Variants in KATNIP observed in about 807,000 individuals in gnomAD.
The protein encoded by KATNIP is katanin interacting protein.
In KATNIP, 126 loss-of-function variants were observed where a neutral mutation model predicts 174.0. That is an observed-to-expected ratio of 0.72 (90% CI 0.63 to 0.84). The LOEUF (loss-of-function observed/expected upper bound fraction) is 0.84, where lower values mean the gene tolerates loss of function less well. Ranked by LOEUF, KATNIP falls within the 40% of genes least tolerant of loss-of-function variation. The pLI is 0.00. For missense variants in KATNIP, 1,958 were observed against 2,109.7 expected, an observed-to-expected ratio of 0.93 and a Z score of 1.41; for synonymous variants, 810 against 835.7, an observed-to-expected ratio of 0.97 and a Z score of 0.53.
At chr16:27,591,466 C>T (rs1460261373) in intron 2 of KATNIP, among the ~76,000 whole-genome samples, 1 of 152,174 alleles carries the variant, frequency 6.6e-6, no homozygotes, top group Admixed American at 6.5e-5. Context: ...CAGGTGTGAG[C>T]TACCACGCCT....
chr16:27,726,196 A>G (rs1438438926), intron 14 of KATNIP, among the ~76,000 whole-genome samples: 1 of 152,186 alleles, frequency 6.6e-6, no homozygotes, highest in Non-Finnish European at 1.5e-5. Flanking sequence ...ATGAGAATCT[A>G]ATGCCTGATG....
At chr16:27,653,482 G>A (rs1407876868) in intron 6 of KATNIP, among the ~76,000 whole-genome samples, 3 of 151,990 alleles carry the variant, frequency 2.0e-5, no homozygotes, top group Admixed American at 2.0e-4. Flanking sequence ...TCGTTCCAGT[G>A]ATGAGACTTA....
chr16:27,674,326 A>C (rs1291715917), intron 6 of KATNIP, among the ~76,000 whole-genome samples: 1 of 152,270 alleles, frequency 6.6e-6, no homozygotes, highest in African/African-American at 2.4e-5. Flanking sequence ...GCATTTAGCA[A>C]ACCTGCACGT....
At chr16:27,560,733 C>T (rs559333808) in intron 1 of KATNIP, among the ~76,000 whole-genome samples, 12 of 152,296 alleles carry the variant, frequency 7.9e-5, no homozygotes, top group Admixed American at 3.9e-4. Flanking sequence ...GCTAGTCAGG[C>T]ATTGTGTTGT....
At position 27,769,889 on chromosome 16, in the gene KATNIP, G is replaced by A. The variant is rs765431539; in HGVS notation, c.4004G>A (p.Gly1335Asp). Residue 1335 changes from glycine to aspartate, a missense_variant, in exon 21 of 28, where the codon GGC (glycine) becomes GAC (aspartate). This residue lies in a region of KATNIP where 383 missense variants were observed against 456.0 expected (regional missense o/e 0.84). Coordinates refer to ENST00000261588, the MANE Select transcript of KATNIP (RefSeq NM_015202.5). ...AAGATTGTCCACGTCTCCCTGGATG[G>A]CCTGTGCGTCTCCCCGCCAGAGGGC... ...GAKIVHVSLD[G>D]LCVSPPEGFL... 6.2e-7 allele frequency: 1 copy of A among 1,614,168 alleles called. No homozygotes were observed. Among genetic ancestry groups the A allele is most frequent in the South Asian group, 1.1e-5 (1 of 91,084 alleles).
chr16:27,741,035 T>C, intron 15 of KATNIP, 115 bp downstream of exon 15: 1 of 1,110,596 alleles, frequency 9.0e-7, no homozygotes, highest in South Asian at 1.6e-5. Flanking sequence ...AGATGGTTGT[T>C]CTCAACTAAG....
rs369285913 is a variant in KATNIP, at chr16:27,550,177, G to A, written c.7G>A (p.Gly3Ser). The change falls in exon 1 of 28, where the codon GGT (glycine) becomes AGT (serine). Residue 3 changes from glycine to serine, a missense_variant and splice_region_variant. By Grantham distance (56) the Gly-to-Ser change is moderately conservative. This residue lies in a region of KATNIP where 1,557 missense variants were observed against 1,617.8 expected (regional missense o/e 0.96). Coordinates refer to ENST00000261588, the MANE Select transcript of KATNIP (RefSeq NM_015202.5). ...GGAACCGCCGCCTCTAGGGATGGAC[G>A]GTGAGTGTCTGTGGGCCCCTCCGGG... MD[G>S]QTLRKAERSW... The A allele has an allele frequency of 1.2e-5, 19 of 1,611,424 alleles. No individual in the cohort carries two copies. The highest frequency in any genetic ancestry group is 9.3e-5 in the African/African-American group (7 of 74,898).
intron 14 of KATNIP, among the ~76,000 whole-genome samples, chr16:27,737,429 T>G (rs974150929): frequency 1.3e-5 from 2 of 152,088 alleles, no homozygotes; most frequent in African/African-American, 4.8e-5. Flanking sequence ...TATATTGGAA[T>G]TCCTGTTAGA....
intron 13 of KATNIP, among the ~76,000 whole-genome samples, chr16:27,719,290 G>A (rs1021057581): frequency 1.3e-5 from 2 of 152,182 alleles, no homozygotes; most frequent in African/African-American, 4.8e-5. Context: ...TCCAGGAAAC[G>A]GCCATCAGGG....
intron 14 of KATNIP, among the ~76,000 whole-genome samples, chr16:27,730,828 TG>T: frequency 6.6e-6 from 1 of 152,220 alleles, no homozygotes; most frequent in East Asian, 1.9e-4. Flanking sequence ...TGCCCTGCAA[TG>T]TGTTCGGTTT....
intron 1 of KATNIP, among the ~76,000 whole-genome samples, chr16:27,557,613 G>A (rs1182855993): frequency 1.3e-5 from 2 of 151,368 alleles, no homozygotes; most frequent in Non-Finnish European, 2.9e-5. Context: ...TTTTTGTGGA[G>A]ATGGGGGTCT....
At chr16:27,757,196 C>T (rs529501020) in intron 18 of KATNIP, among the ~76,000 whole-genome samples, 6 of 152,298 alleles carry the variant, frequency 3.9e-5, no homozygotes, top group African/African-American at 1.4e-4. Context: ...GAGATCCTCC[C>T]GCCTCAGCCT....
rs865993343 is a variant in KATNIP at position 27,737,549 on chromosome 16, G to A, written c.1744-2492G>A. 2.0e-5 allele frequency among the ~76,000 whole-genome samples: 3 copies of A among 152,176 alleles called. No homozygotes were observed. In the South Asian group the frequency reaches 6.2e-4, roughly 32 times the overall value. On this transcript the variant is annotated intron_variant, in intron 14 of 27. Coordinates refer to ENST00000261588, the MANE Select transcript of KATNIP (RefSeq NM_015202.5). ...CTGAATGAGACCACCTGGAGAGCAAGGGAAGAGCACTCGGGAGGCCTAGGA... is the reference window on the plus strand; with the variant it reads ...CTGAATGAGACCACCTGGAGAGCAAAGGAAGAGCACTCGGGAGGCCTAGGA...
At chr16:27,651,012 C>A (rs1025180202) in intron 6 of KATNIP, among the ~76,000 whole-genome samples, 1 of 152,148 alleles carries the variant, frequency 6.6e-6, no homozygotes, top group Admixed American at 6.6e-5. Context: ...GGTTTTTAGC[C>A]AAGCATAATA....
chr16:27,579,476 A>G (rs2141762750), intron 2 of KATNIP, among the ~76,000 whole-genome samples: 1 of 152,282 alleles, frequency 6.6e-6, no homozygotes, highest in East Asian at 1.9e-4. Context: ...TGTTCCATAG[A>G]TGTTAGTTGT....
At chr16:27,686,295 A>T (rs763421924) in intron 8 of KATNIP, among the ~76,000 whole-genome samples, 2 of 152,054 alleles carry the variant, frequency 1.3e-5, no homozygotes, top group Non-Finnish European at 2.9e-5. Context: ...ACAGAATTTG[A>T]CTTTTTATAT....
chr16:27,563,172 G>A (rs1206178245), intron 1 of KATNIP, among the ~76,000 whole-genome samples: 1 of 152,186 alleles, frequency 6.6e-6, no homozygotes, highest in East Asian at 1.9e-4. Context: ...GAAAATGTCA[G>A]TAAGTGCCAT....
chr16:27,761,279 C>T, intron 18 of KATNIP, 134 bp from the exon 19 acceptor site: 2 of 893,544 alleles, frequency 2.2e-6, no homozygotes, highest in East Asian at 5.3e-5. Flanking sequence ...ACAGAGCCCA[C>T]CTGCAAGGCA....
intron 2 of KATNIP, among the ~76,000 whole-genome samples, chr16:27,612,583 A>G (rs1371012270): frequency 1.3e-5 from 2 of 151,724 alleles, no homozygotes; most frequent in Non-Finnish European, 2.9e-5. Flanking sequence ...ACATGGTGAA[A>G]CCCCGTCTCT....
Sources: gnomAD v4.1 joint callset for allele counts (sites outside exome capture counted in the v4.1 genomes callset) on GRCh38, gnomAD v4.1.1 for gene constraint, gnomAD v4.1.1 regional missense constraint, MANE v1.5 for transcripts, NCBI Gene and HGNC (gene_info 2026-07-23, HGNC 2026-07-21) for gene names.